Variants in CNBD1 observed in about 807,000 individuals in gnomAD.
CNBD1 encodes the protein cyclic nucleotide-binding domain-containing protein 1.
CNBD1 carries 71 observed loss-of-function variants against 54.4 expected under a neutral mutation model. The ratio of observed to expected loss-of-function variants is 1.30; its 90% confidence interval spans 1.08 to 1.59. The LOEUF is 1.59. Ranked by LOEUF, CNBD1 falls within the 40% of genes most tolerant of loss-of-function variation. The pLI, the probability that CNBD1 is intolerant of heterozygous loss-of-function variation, is 0.00. For synonymous variants in CNBD1, 182 were observed against 170.7 expected (o/e 1.07, Z -0.51); for missense variants, 659 against 518.0 (o/e 1.27, Z -2.64).
At chr8:86,999,801 T>C (rs1181232778) in intron 4 of CNBD1, among the ~76,000 whole-genome samples, 1 of 152,174 alleles carries the variant, frequency 6.6e-6, no homozygotes, top group Non-Finnish European at 1.5e-5. Flanking sequence ...GGGAGAAAGC[T>C]GAAAATAGTT....
At chr8:86,954,707 C>T (rs537113418) in intron 4 of CNBD1, among the ~76,000 whole-genome samples, 1 of 152,118 alleles carries the variant, frequency 6.6e-6, no homozygotes. Context: ...TTTTGAAATA[C>T]CTGGTAAGTT....
downstream of CNBD1, among the ~76,000 whole-genome samples, chr8:87,384,144 G>T (rs568063482): frequency 1.8e-4 from 28 of 152,114 alleles, no homozygotes; most frequent in Admixed American, 1.2e-3. Flanking sequence ...AAAAGGACAA[G>T]AAAAGTTTTA....
chr8:87,058,569 T>C (rs1189298394), intron 4 of CNBD1, among the ~76,000 whole-genome samples: 1 of 152,218 alleles, frequency 6.6e-6, no homozygotes, highest in African/African-American at 2.4e-5. Context: ...ACCTCAATTC[T>C]TGTCTTCTGC....
At chr8:87,109,688 G>A (rs1586262790) in intron 4 of CNBD1, among the ~76,000 whole-genome samples, 1 of 151,452 alleles carries the variant, frequency 6.6e-6, no homozygotes, top group Admixed American at 6.6e-5. Flanking sequence ...ACAGGCGCCC[G>A]CCACCACACC....
intron 2 of CNBD1, among the ~76,000 whole-genome samples, chr8:87,415,690 T>TA (rs1378444140): frequency 6.6e-6 from 1 of 151,960 alleles, no homozygotes; most frequent in Non-Finnish European, 1.5e-5. Context: ...ATGAGCATTC[T>TA]AGATTCCTGT....
chr8:87,379,810 A>G (rs1360999921), intron 10 of CNBD1, among the ~76,000 whole-genome samples: 1 of 151,972 alleles, frequency 6.6e-6, no homozygotes, highest in East Asian at 1.9e-4. Context: ...TGAAATAAGG[A>G]AGTTGAAGTA....
intron 4 of CNBD1, among the ~76,000 whole-genome samples, chr8:87,121,484 C>T (rs1294094714): frequency 6.6e-6 from 1 of 151,770 alleles, no homozygotes; most frequent in Non-Finnish European, 1.5e-5. Context: ...AGCCAATTGA[C>T]ATATTAGTCA....
chr8:86,969,793 TACACACACAC>T (rs10547170), intron 4 of CNBD1, among the ~76,000 whole-genome samples: 4 of 144,536 alleles, frequency 2.8e-5, no homozygotes, highest in South Asian at 2.2e-4. Flanking sequence ...TATATATATA[TACACACACAC>T]ACACACACAC....
At chr8:87,304,819 A>G (rs1205733225) in intron 8 of CNBD1, among the ~76,000 whole-genome samples, 4 of 152,120 alleles carry the variant, frequency 2.6e-5, no homozygotes, top group Admixed American at 2.0e-4. Context: ...TGAATGGGAA[A>G]AAGTTGAAAA....
chr8:87,277,136 A>C (rs1350449654), intron 6 of CNBD1, among the ~76,000 whole-genome samples: 1 of 151,656 alleles, frequency 6.6e-6, no homozygotes, highest in East Asian at 1.9e-4. Flanking sequence ...GAATTAGCTC[A>C]GGTAATTATG....
chr8:86,911,358 C>G (rs1586129056), intron 3 of CNBD1, among the ~76,000 whole-genome samples: 1 of 152,098 alleles, frequency 6.6e-6, no homozygotes, highest in Admixed American at 6.6e-5. Context: ...TTTTTAGCTC[C>G]CATATCAAAA....
intron 2 of CNBD1, among the ~76,000 whole-genome samples, chr8:87,419,582 A>G (rs889196475): frequency 6.6e-6 from 1 of 151,972 alleles, no homozygotes; most frequent in Non-Finnish European, 1.5e-5. Context: ...AATGTGTTGT[A>G]TAGCCCAACA....
chr8:87,327,374 T>C (rs1384708637), intron 8 of CNBD1, among the ~76,000 whole-genome samples: 1 of 150,142 alleles, frequency 6.7e-6, no homozygotes, highest in Non-Finnish European at 1.5e-5. Flanking sequence ...TAAGCAAGCC[T>C]GGGCAATGGT....
chr8:86,922,938 A>G (rs1170917530), intron 3 of CNBD1, among the ~76,000 whole-genome samples: 2 of 152,158 alleles, frequency 1.3e-5, no homozygotes, highest in Non-Finnish European at 2.9e-5. Context: ...GAGAAACTAC[A>G]ATGTTGGGGA....
In CNBD1 at chr8:87,174,318, C is replaced by T. The variant is rs186542817; in HGVS notation, c.432-31675C>T. ...TATTTTCAAATAACCTGTGTTCAAG[C>T]TCACGAATTCTTTCTTTGGCTGATA... On this transcript the variant is annotated intron_variant, in intron 4 of 10. Coordinates refer to ENST00000518476, the MANE Select transcript of CNBD1 (RefSeq NM_173538.3). Among the ~76,000 whole-genome samples, 9 of 152,188 alleles carry T rather than the reference C, an allele frequency of 5.9e-5. No individual in the cohort carries two copies. In the East Asian group the frequency reaches 1.7e-3, roughly 29 times the overall value.
At chr8:87,122,946 A>T (rs1811919536) in intron 4 of CNBD1, among the ~76,000 whole-genome samples, 2 of 151,926 alleles carry the variant, frequency 1.3e-5, no homozygotes, top group African/African-American at 2.4e-5. Flanking sequence ...TGATTACTAT[A>T]GCTTTGTAAT....
chr8:87,281,666 T>C (rs1030317735), intron 6 of CNBD1, among the ~76,000 whole-genome samples: 2 of 148,098 alleles, frequency 1.4e-5, no homozygotes, highest in Non-Finnish European at 3.0e-5. Context: ...TATTTATTTC[T>C]ACAAGGTAGA....
rs182551532 is a variant in CNBD1, at chr8:87,265,836, C to T, written c.772-18842C>T. On this transcript the variant is annotated intron_variant, in intron 6 of 10. Coordinates refer to ENST00000518476, the MANE Select transcript of CNBD1 (RefSeq NM_173538.3). Reference sequence around the variant, plus strand: ...ATTACAGAAGAAGTTTGCTAATCACCTCTCTAAATGGAAACTACTGAAGAA... The same window carrying T: ...ATTACAGAAGAAGTTTGCTAATCACTTCTCTAAATGGAAACTACTGAAGAA... Among the ~76,000 whole-genome samples, 219 of 152,126 alleles carry T rather than the reference C, an allele frequency of 1.4e-3. 1 individual carries two copies. Among genetic ancestry groups the T allele is most frequent in the African/African-American group, 4.9e-3 (205 of 41,492 alleles).
intron 2 of CNBD1, among the ~76,000 whole-genome samples, chr8:87,389,895 C>A (rs1283624562): frequency 6.6e-6 from 1 of 152,144 alleles, no homozygotes; most frequent in Non-Finnish European, 1.5e-5. Flanking sequence ...GGTACCTAAA[C>A]AGAGATATAG....
Sources: allele counts gnomAD v4.1 joint callset (sites outside exome capture counted in the v4.1 genomes callset), GRCh38; gene constraint gnomAD v4.1.1; transcripts MANE v1.5; gene names NCBI Gene and HGNC (gene_info 2026-07-23, HGNC 2026-07-21).